The following CAPN13 variants were observed in gnomAD, a reference collection of about 807,000 sequenced individuals.
The protein encoded by CAPN13 is calpain 13, also known as calpain-13.
Under a neutral mutation model 98.4 loss-of-function variants are expected in CAPN13, and 90 were observed. The ratio of observed to expected loss-of-function variants is 0.92; its 90% CI spans 0.77 to 1.09. CAPN13 has a LOEUF of 1.09. Ranked by LOEUF, CAPN13 falls within the 50% of genes least tolerant of loss-of-function variation. The pLI is 0.00. For missense variants in CAPN13, 887 were observed against 841.3 expected, an observed-to-expected ratio of 1.05 and a Z score of -0.67; for synonymous variants, 330 against 305.5, an observed-to-expected ratio of 1.08 and a Z score of -0.84.
rs1673345447 is a variant in CAPN13, at chr2:30,770,464, A to G, written c.388-15T>C. The G allele has an allele frequency of 6.2e-7, 1 of 1,612,806 alleles. No homozygotes were observed. The highest frequency in any genetic ancestry group is 2.2e-5 in the East Asian group (1 of 44,856). On this transcript the variant is annotated splice_polypyrimidine_tract_variant and intron_variant, in intron 4 of 22. Coordinates refer to ENST00000295055, the MANE Select transcript of CAPN13 (RefSeq NM_144575.3). ...CATTGCCAGAACTGGAAGAGAGCCA[A>G]GCATATGCTTTGACAGAGTTGAGGC...
chr2:30,753,787 C>T (rs140923041), intron 9 of CAPN13, among the ~76,000 whole-genome samples: 1 of 152,242 alleles, frequency 6.6e-6, no homozygotes, highest in African/African-American at 2.4e-5. Context: ...GGAATGTACA[C>T]GTCATGCTCT....
intron 4 of CAPN13, 68 bp from the exon 5 acceptor site, chr2:30,770,517 T>C: frequency 6.4e-7 from 1 of 1,570,040 alleles, no homozygotes; most frequent in Non-Finnish European, 8.7e-7. Flanking sequence ...TCCCCCAACC[T>C]AAGCCAAAAG....
chr2:30,727,475 A>G (rs1670897044), intron 22 of CAPN13, among the ~76,000 whole-genome samples: 1 of 152,246 alleles, frequency 6.6e-6, no homozygotes, highest in Non-Finnish European at 1.5e-5. Flanking sequence ...TAGTAAAAAT[A>G]TAAGTAACCC....
chr2:30,772,304 C>T lies in CAPN13; in HGVS notation c.388-1855G>A, dbSNP rs73922698. Among the ~76,000 whole-genome samples, 1,105 of 152,284 alleles carry T rather than the reference C, an allele frequency of 7.3e-3. 22 individuals are homozygous for T. The highest frequency in any genetic ancestry group is 0.026 in the African/African-American group (1,060 of 41,548). Reference sequence around the variant, plus strand: ...AACACCCAGTTGTCTGACAGGGAAACCAGAGTGTTTTAGGCAAAGCATCTG... The same window carrying T: ...AACACCCAGTTGTCTGACAGGGAAATCAGAGTGTTTTAGGCAAAGCATCTG... On this transcript the variant is annotated intron_variant, in intron 4 of 22. Coordinates refer to ENST00000295055, the MANE Select transcript of CAPN13 (RefSeq NM_144575.3).
At chr2:30,731,295 G>A in intron 21 of CAPN13, 49 bp downstream of exon 21, 1 of 1,527,346 alleles carries the variant, frequency 6.5e-7, no homozygotes, top group Non-Finnish European at 8.9e-7. Context: ...TCAAGTCAGG[G>A]GAGGCAGCCT....
At chr2:30,743,294 G>A (rs1045612016) in intron 13 of CAPN13, 89 bp downstream of exon 13, 52 of 1,151,340 alleles carry the variant, frequency 4.5e-5, no homozygotes, top group Non-Finnish European at 6.2e-5. Flanking sequence ...CAGGCTGCAC[G>A]AATGCACAGA....
At chr2:30,791,986 C>T (rs1408342674) in intron 1 of CAPN13, among the ~76,000 whole-genome samples, 2 of 152,166 alleles carry the variant, frequency 1.3e-5, no homozygotes, top group African/African-American at 4.8e-5. Context: ...GCCCCGGTTT[C>T]TCTCTTTTCC....
chr2:30,796,132 A>ATATATATGTGTGTATATAT, intron 1 of CAPN13, among the ~76,000 whole-genome samples: 1 of 144,554 alleles, frequency 6.9e-6, no homozygotes, highest in Non-Finnish European at 1.5e-5. Context: ...AGAATTACAT[A>ATATATATGTGTGTATATAT]TATATATGTG....
At chr2:30,745,781 C>T (rs1233717757) in intron 11 of CAPN13, 47 bp from the exon 12 acceptor site, 5 of 1,569,244 alleles carry the variant, frequency 3.2e-6, no homozygotes, top group Non-Finnish European at 4.3e-6. Flanking sequence ...CAGACGTAAA[C>T]AAAAAGGCAA....
chr2:30,800,283 C>T (rs1675194690), intron 1 of CAPN13, among the ~76,000 whole-genome samples: 1 of 152,200 alleles, frequency 6.6e-6, no homozygotes, highest in East Asian at 1.9e-4. Context: ...AGCACTGGAG[C>T]TGACTGCCAA....
At chr2:30,766,193 G>T (rs1324709275) in intron 5 of CAPN13, among the ~76,000 whole-genome samples, 1 of 152,188 alleles carries the variant, frequency 6.6e-6, no homozygotes, top group Non-Finnish European at 1.5e-5. Context: ...GCTTCAAACA[G>T]GGCTGTGCTA....
intron 8 of CAPN13, among the ~76,000 whole-genome samples, chr2:30,757,831 AG>A (rs1361601646): frequency 6.6e-6 from 1 of 152,232 alleles, no homozygotes; most frequent in African/African-American, 2.4e-5. Flanking sequence ...AACACAGTGC[AG>A]TTAGTACAGG....
chr2:30,786,662 A>T (rs1674299046), intron 2 of CAPN13, among the ~76,000 whole-genome samples: 1 of 152,194 alleles, frequency 6.6e-6, no homozygotes, highest in Non-Finnish European at 1.5e-5. Context: ...AGGAGAGGTG[A>T]TTATTTAAAT....
chr2:30,723,457 A>C (rs1259938184), intron 22 of CAPN13, among the ~76,000 whole-genome samples: 1 of 152,044 alleles, frequency 6.6e-6, no homozygotes, highest in Non-Finnish European at 1.5e-5. Context: ...AAAATTCCTT[A>C]AAGGGCACCC....
At chr2:30,770,285 G>A in intron 5 of CAPN13, 28 bp downstream of exon 5, 3 of 1,610,750 alleles carry the variant, frequency 1.9e-6, no homozygotes, top group Non-Finnish European at 1.7e-6. Context: ...TGAAACTCTG[G>A]GCTGATGGGT....
At chr2:30,797,793 G>C (rs1674962618) in intron 1 of CAPN13, among the ~76,000 whole-genome samples, 2 of 152,214 alleles carry the variant, frequency 1.3e-5, no homozygotes, top group Non-Finnish European at 2.9e-5. Context: ...CTGCCTGGCA[G>C]AAATACTGGG....
intron 13 of CAPN13, 82 bp from the exon 14 acceptor site, chr2:30,742,441 C>T: frequency 6.8e-7 from 1 of 1,471,872 alleles, no homozygotes; most frequent in Non-Finnish European, 9.3e-7. Context: ...ACCCAGGTGG[C>T]ACTGGATATT....
chr2:30,736,508 AG>A lies in CAPN13; in HGVS notation c.1716del (p.Tyr573ThrfsTer16), dbSNP rs773264167. 73 of 1,613,976 alleles carry A rather than the reference AG, an allele frequency of 4.5e-5. No homozygotes were observed. In the Admixed American group the frequency reaches 1.2e-3, roughly 26 times the overall value. ...CACAGAGAATGTGCCCGTACCTGGT[AG>A]TGAACAAGGCGCTTCCACAGTCGCG... is the stretch of plus-strand genomic sequence containing the variant. ...EFARLWKRLV[H>X]YQHVFQKVQT... On this transcript the variant is annotated frameshift_variant, in exon 18 of 23. Coordinates refer to ENST00000295055, the MANE Select transcript of CAPN13 (RefSeq NM_144575.3). LOFTEE classifies it high-confidence loss of function.
At chr2:30,755,763 C>G (rs1672411369) in intron 8 of CAPN13, among the ~76,000 whole-genome samples, 1 of 152,200 alleles carries the variant, frequency 6.6e-6, no homozygotes, top group African/African-American at 2.4e-5. Context: ...CTGAGGCAGT[C>G]AGATGTGGTA....
Sources: gnomAD v4.1 joint callset for allele counts (sites outside exome capture counted in the v4.1 genomes callset) on GRCh38, gnomAD v4.1.1 for gene constraint, MANE v1.5 for transcripts, NCBI Gene and HGNC (gene_info 2026-07-23, HGNC 2026-07-21) for gene names.